The following SNTB1 variants were observed in gnomAD, a reference collection of about 807,000 sequenced individuals.
SNTB1 encodes beta-1-syntrophin.
SNTB1 carries 36 observed loss-of-function variants against 48.9 expected under a neutral mutation model. The ratio of observed to expected loss-of-function variants is 0.74; its 90% CI spans 0.56 to 0.97. SNTB1 has a LOEUF of 0.97. SNTB1 is among the 50% of genes least tolerant of loss of function. The probability of loss-of-function intolerance (pLI) is 0.00; values close to 1 mark genes in which losing one functional copy is unlikely to be tolerated. For missense variants in SNTB1, 786 were observed against 703.4 expected, an observed-to-expected ratio of 1.12 and a Z score of -1.33; for synonymous variants, 299 against 294.6, an observed-to-expected ratio of 1.01 and a Z score of -0.15.
intron 1 of SNTB1, among the ~76,000 whole-genome samples, chr8:120,807,920 T>A (rs950636382): frequency 6.6e-6 from 1 of 152,098 alleles, no homozygotes; most frequent in Non-Finnish European, 1.5e-5. Flanking sequence ...TTTTTTATTT[T>A]TTTATTTTTT....
At chr8:120,678,862 C>T (rs554097170) in intron 2 of SNTB1, among the ~76,000 whole-genome samples, 2 of 152,258 alleles carry the variant, frequency 1.3e-5, no homozygotes, top group South Asian at 4.1e-4. Flanking sequence ...TAAATGGCAT[C>T]ACTCAGGCTC....
At chr8:120,635,167 C>T (rs1048877841) in intron 2 of SNTB1, among the ~76,000 whole-genome samples, 8 of 151,978 alleles carry the variant, frequency 5.3e-5, no homozygotes, top group Admixed American at 1.3e-4. Context: ...ACTGTCCTCG[C>T]GCAGAAGAAA....
intron 2 of SNTB1, among the ~76,000 whole-genome samples, chr8:120,634,272 C>T (rs1179768673): frequency 1.3e-5 from 2 of 152,172 alleles, no homozygotes; most frequent in Non-Finnish European, 2.9e-5. Context: ...CATTTATTAA[C>T]TTCCTTTCAT....
At chr8:120,675,447 A>G (rs990358934) in intron 2 of SNTB1, among the ~76,000 whole-genome samples, 14 of 152,180 alleles carry the variant, frequency 9.2e-5, no homozygotes, top group Admixed American at 8.5e-4. Flanking sequence ...TGAAAATAAT[A>G]TGCTGTATGT....
intron 2 of SNTB1, among the ~76,000 whole-genome samples, chr8:120,635,377 G>T (rs1232579525): frequency 6.6e-6 from 1 of 152,024 alleles, no homozygotes; most frequent in African/African-American, 2.4e-5. Flanking sequence ...GACAATGATG[G>T]TTATTAACTG....
At chr8:120,759,055 G>A (rs1211495821) in intron 1 of SNTB1, among the ~76,000 whole-genome samples, 3 of 152,014 alleles carry the variant, frequency 2.0e-5, no homozygotes, top group Admixed American at 1.3e-4. Context: ...ACAGGCATGA[G>A]CCACCTTGCC....
chr8:120,571,671 G>A (rs1297489495), intron 4 of SNTB1, among the ~76,000 whole-genome samples: 1 of 151,600 alleles, frequency 6.6e-6, no homozygotes, highest in African/African-American at 2.4e-5. Context: ...GCTAATTTTT[G>A]TATTTTTAGT....
intron 1 of SNTB1, among the ~76,000 whole-genome samples, chr8:120,789,421 A>G (rs10955988): frequency 0.2 from 29,692 of 151,838 alleles, 3,208 homozygotes; most frequent in Middle Eastern, 0.26. Context: ...ATTGAAACCA[A>G]AAGAAAAAAA....
intron 1 of SNTB1, among the ~76,000 whole-genome samples, chr8:120,733,356 A>G (rs1161800978): frequency 2.0e-5 from 3 of 152,264 alleles, no homozygotes; most frequent in Non-Finnish European, 4.4e-5. Flanking sequence ...TGGTCCACGC[A>G]TAGGCGTCTG....
chr8:120,768,754 A>T (rs72682558), intron 1 of SNTB1: 27,878 of 152,138 alleles, frequency 0.18, 3,029 homozygotes, highest in Middle Eastern at 0.27. Flanking sequence ...TCCGAGCCTC[A>T]GTTTTCTTCT....
At chr8:120,788,159 T>G (rs550295943) in intron 1 of SNTB1, among the ~76,000 whole-genome samples, 1 of 152,138 alleles carries the variant, frequency 6.6e-6, no homozygotes. Flanking sequence ...AATATAGTCT[T>G]TTTTAGGTGA....
intron 3 of SNTB1, among the ~76,000 whole-genome samples, chr8:120,616,477 GT>G (rs767343933): frequency 1.3e-3 from 161 of 128,226 alleles, no homozygotes; most frequent in Non-Finnish European, 1.7e-3. Flanking sequence ...ACTAAAAAAA[GT>G]TTTTTTTTTT....
rs1820449034 is a variant in SNTB1, at chr8:120,811,974, A to G, written c.-131T>C. ...CCGCGGGGAGGTGGCGGCACGCGGG[A>G]CTCCGCTCCGGGAGTTCGCAGACGC... On this transcript the variant is annotated 5_prime_UTR_variant, in exon 1 of 7. Coordinates refer to ENST00000517992, the MANE Select transcript of SNTB1 (RefSeq NM_021021.4). 2 of 1,267,586 alleles carry G rather than the reference A, an allele frequency of 1.6e-6. No homozygotes were observed. The highest frequency in any genetic ancestry group is 5.8e-5 in the South Asian group (2 of 34,782). 78.5% of individuals were successfully genotyped at this position (1,267,586 alleles called of 1,614,324 possible).
intron 1 of SNTB1, among the ~76,000 whole-genome samples, chr8:120,716,268 C>T (rs73321272): frequency 0.059 from 9,046 of 152,210 alleles, 869 homozygotes; most frequent in African/African-American, 0.2. Context: ...TGCAGAGTTC[C>T]ATTATTATTA....
chr8:120,573,747 T>C (rs945727097), intron 4 of SNTB1, among the ~76,000 whole-genome samples: 1 of 152,214 alleles, frequency 6.6e-6, no homozygotes, highest in African/African-American at 2.4e-5. Context: ...GTTTTGCATA[T>C]GAATATCCAG....
At chr8:120,604,360 C>G (rs1041118348) in intron 3 of SNTB1, among the ~76,000 whole-genome samples, 17 of 152,062 alleles carry the variant, frequency 1.1e-4, no homozygotes, top group African/African-American at 4.1e-4. Context: ...GCTAAGTGGT[C>G]CACTCTTGCA....
chr8:120,639,238 TG>T lies in SNTB1; in HGVS notation c.789-6588del, dbSNP rs1347316582. Among the ~76,000 whole-genome samples the T allele has an allele frequency of 3.7e-4, 56 of 152,354 alleles. 1 individual carries two copies. The highest frequency in any genetic ancestry group is 2.2e-4 in the Non-Finnish European group (15 of 68,040). ...TCCTTTGCTCACTTTTTGATGGGGT[TG>T]TTTTTTTCTTGTAAATTTGTTTGAG... On this transcript the variant is annotated intron_variant, in intron 2 of 6. Transcript: ENST00000517992.
At chr8:120,677,621 T>A (rs1042379133) in intron 2 of SNTB1, among the ~76,000 whole-genome samples, 14 of 152,300 alleles carry the variant, frequency 9.2e-5, no homozygotes, top group African/African-American at 3.4e-4. Flanking sequence ...ATTTTTTTTT[T>A]AAGTGGGAGA....
chr8:120,657,118 T>C (rs1817514411), intron 2 of SNTB1, among the ~76,000 whole-genome samples: 2 of 152,244 alleles, frequency 1.3e-5, no homozygotes, highest in Admixed American at 6.5e-5. Context: ...AGTATATACA[T>C]GTACAAGCTA....
Sources: allele counts gnomAD v4.1 joint callset (sites outside exome capture counted in the v4.1 genomes callset), GRCh38; gene constraint gnomAD v4.1.1; transcripts MANE v1.5; gene names NCBI Gene and HGNC (gene_info 2026-07-23, HGNC 2026-07-21).